The following CRIM1 variants were observed in gnomAD, a reference collection of about 807,000 sequenced individuals.
CRIM1 encodes cysteine-rich motor neuron 1 protein.
Under a neutral mutation model 116.4 loss-of-function variants are expected in CRIM1, and 32 were observed. The observed-to-expected ratio is 0.27, with a 90% confidence interval of 0.21 to 0.37. CRIM1 has a LOEUF of 0.37. Ranked by LOEUF, CRIM1 falls within the 10% of genes least tolerant of loss-of-function variation. The pLI is 1.00. For synonymous variants in CRIM1, 590 were observed against 509.2 expected, an observed-to-expected ratio of 1.16 and a Z score of -2.13; for missense variants, 1,331 against 1,354.8, an observed-to-expected ratio of 0.98 and a Z score of 0.28.
intron 13 of CRIM1, among the ~76,000 whole-genome samples, chr2:36,535,669 C>G (rs907962068): frequency 6.6e-6 from 1 of 152,146 alleles, no homozygotes; most frequent in Non-Finnish European, 1.5e-5. Flanking sequence ...TTCTAACACC[C>G]TCCCAATGGA....
chr2:36,486,104 A>G (rs565668553), intron 7 of CRIM1, among the ~76,000 whole-genome samples: 1 of 152,334 alleles, frequency 6.6e-6, no homozygotes, highest in South Asian at 2.1e-4. Context: ...CATATTTGCA[A>G]TAAAACTAGA....
At chr2:36,389,307 C>T (rs1043275699) in intron 1 of CRIM1, among the ~76,000 whole-genome samples, 2 of 152,006 alleles carry the variant, frequency 1.3e-5, no homozygotes, top group Non-Finnish European at 2.9e-5. Flanking sequence ...TCGAGCAGAA[C>T]GGAATGCCTG....
intron 2 of CRIM1, among the ~76,000 whole-genome samples, chr2:36,412,487 A>G (rs1296837578): frequency 2.6e-5 from 4 of 152,150 alleles, no homozygotes; most frequent in African/African-American, 9.7e-5. Flanking sequence ...AATATTTGCC[A>G]CATCTGACAG....
chr2:36,383,170 G>A (rs1407379928), intron 1 of CRIM1, among the ~76,000 whole-genome samples: 1 of 152,124 alleles, frequency 6.6e-6, no homozygotes, highest in Non-Finnish European at 1.5e-5. Context: ...GTAGCATGTG[G>A]AAAAAGGACT....
chr2:36,532,515 A>G (rs1666186382), intron 13 of CRIM1, among the ~76,000 whole-genome samples: 1 of 152,218 alleles, frequency 6.6e-6, no homozygotes, highest in African/African-American at 2.4e-5. Context: ...GGTATGATGC[A>G]GTCAGGTAAA....
At chr2:36,454,146 A>G (rs973369229) in intron 4 of CRIM1, among the ~76,000 whole-genome samples, 2 of 152,288 alleles carry the variant, frequency 1.3e-5, no homozygotes, top group East Asian at 1.9e-4. Flanking sequence ...CTCTCTGGCC[A>G]TGACTCCTGC....
chr2:36,372,221 C>T (rs962043784), intron 1 of CRIM1, among the ~76,000 whole-genome samples: 4 of 152,108 alleles, frequency 2.6e-5, no homozygotes, highest in African/African-American at 4.8e-5. Flanking sequence ...ATGGTTCGAG[C>T]AGGAATTCCA....
intron 13 of CRIM1, among the ~76,000 whole-genome samples, chr2:36,530,297 C>T (rs889133844): frequency 3.3e-5 from 5 of 152,140 alleles, no homozygotes; most frequent in Non-Finnish European, 7.3e-5. Flanking sequence ...TCATCATCTT[C>T]TGTCTATGAG....
chr2:36,389,479 C>T (rs1411772670), intron 1 of CRIM1, among the ~76,000 whole-genome samples: 2 of 152,158 alleles, frequency 1.3e-5, no homozygotes, highest in Non-Finnish European at 1.5e-5. Context: ...TATATATTCC[C>T]AGGAGCTTCT....
rs560101403 is a variant in CRIM1 at position 36,382,740 on chromosome 2, C to T, written c.332-13874C>T. Among the ~76,000 whole-genome samples, 220 of 152,324 alleles carry T rather than the reference C, an allele frequency of 1.4e-3. 1 individual carries two copies. The highest frequency in any genetic ancestry group is 5.0e-3 in the African/African-American group (208 of 41,564). ...TCAAGGGGTGCATCTTCTGGTCTGC[C>T]TTGAGAACTTACCAGTCTTCCATAA... On this transcript the variant is annotated intron_variant, in intron 1 of 16. Coordinates refer to ENST00000280527, the MANE Select transcript of CRIM1 (RefSeq NM_016441.3).
intron 13 of CRIM1, among the ~76,000 whole-genome samples, chr2:36,530,570 C>A (rs1450685552): frequency 6.6e-6 from 1 of 152,140 alleles, no homozygotes; most frequent in Non-Finnish European, 1.5e-5. Context: ...TCCTTTGTGG[C>A]TTAGAGAGTG....
In CRIM1 at chr2:36,427,179, T is replaced by G. The variant is rs1299442694; in HGVS notation, c.506-14079T>G. 6.7e-5 allele frequency among the ~76,000 whole-genome samples: 10 copies of G among 150,316 alleles called. No homozygotes were observed. In the East Asian group the frequency reaches 1.8e-3, roughly 27 times the overall value. On this transcript the variant is annotated intron_variant, in intron 2 of 16. Transcript: ENST00000280527. ...TCGCACCACTGCACTCCAGCCTGGG[T>G]GACAGAGTGAAACTCTGTCTCAAAA...
At chr2:36,514,831 T>G (rs1664933152) in intron 11 of CRIM1, among the ~76,000 whole-genome samples, 1 of 152,182 alleles carries the variant, frequency 6.6e-6, no homozygotes, top group Admixed American at 6.5e-5. Flanking sequence ...GAAGTCCCTT[T>G]CAGCTCTGAG....
chr2:36,477,855 C>T (rs3770852), intron 6 of CRIM1, among the ~76,000 whole-genome samples: 35,020 of 152,152 alleles, frequency 0.23, 4,755 homozygotes, highest in Non-Finnish European at 0.3. Context: ...AAGTCACTTG[C>T]CTGTAAAGTC....
At chr2:36,461,927 T>C (rs1238006155) in intron 4 of CRIM1, among the ~76,000 whole-genome samples, 1 of 152,236 alleles carries the variant, frequency 6.6e-6, no homozygotes, top group Non-Finnish European at 1.5e-5. Context: ...TGTGGTTCTT[T>C]CATCAGCTCT....
At chr2:36,435,912 A>G (rs572990020) in intron 2 of CRIM1, among the ~76,000 whole-genome samples, 2 of 114,830 alleles carry the variant, frequency 1.7e-5, no homozygotes, top group South Asian at 3.6e-4. Flanking sequence ...TGGTCTTTCT[A>G]TATCTGGGCA....
chr2:36,491,914 C>T (rs1680253674), intron 7 of CRIM1, among the ~76,000 whole-genome samples: 1 of 152,024 alleles, frequency 6.6e-6, no homozygotes, highest in South Asian at 2.1e-4. Flanking sequence ...AAATGTAAGA[C>T]AAGTATAAAA....
chr2:36,434,744 G>C (rs1675166299), intron 2 of CRIM1, among the ~76,000 whole-genome samples: 1 of 152,126 alleles, frequency 6.6e-6, no homozygotes, highest in African/African-American at 2.4e-5. Flanking sequence ...GGTATTTTCT[G>C]CCTATTAATT....
At chr2:36,381,932 A>C (rs1670808725) in intron 1 of CRIM1, among the ~76,000 whole-genome samples, 1 of 152,202 alleles carries the variant, frequency 6.6e-6, no homozygotes. Flanking sequence ...GTGTGAGGCC[A>C]ACTGTTACTC....
Sources: gnomAD v4.1 joint callset for allele counts (sites outside exome capture counted in the v4.1 genomes callset) on GRCh38, gnomAD v4.1.1 for gene constraint, MANE v1.5 for transcripts, NCBI Gene and HGNC (gene_info 2026-07-23, HGNC 2026-07-21) for gene names.